Variants in NDUFA10 observed in about 807,000 individuals in gnomAD.
NDUFA10 encodes NADH:ubiquinone oxidoreductase subunit A10.
NDUFA10 carries 40 observed loss-of-function variants against 47.8 expected under a neutral mutation model. The observed-to-expected ratio is 0.84, with a 90% CI of 0.65 to 1.09. The LOEUF (loss-of-function observed/expected upper bound fraction) is 1.09. Ranked by LOEUF, NDUFA10 falls within the 50% of genes least tolerant of loss-of-function variation. The pLI is 0.00. For synonymous variants in NDUFA10, 183 were observed against 172.2 expected, an observed-to-expected ratio of 1.06 and a Z score of -0.49; for missense variants, 413 against 451.1, an observed-to-expected ratio of 0.92 and a Z score of 0.76.
chr2:239,936,729 G>A (rs1694272434), intron 4 of NDUFA10, among the ~76,000 whole-genome samples: 1 of 152,198 alleles, frequency 6.6e-6, no homozygotes. Context: ...CAGGCGGGTG[G>A]ATCACCTGAG....
intron 4 of NDUFA10, among the ~76,000 whole-genome samples, chr2:239,929,595 C>A (rs928995540): frequency 3.9e-5 from 6 of 152,110 alleles, no homozygotes; most frequent in African/African-American, 1.4e-4. Flanking sequence ...TGCTCCTCCG[C>A]CGGCCCTGCT....
intron 4 of NDUFA10, among the ~76,000 whole-genome samples, chr2:239,924,663 C>T (rs1431142846): frequency 6.6e-6 from 1 of 152,076 alleles, no homozygotes; most frequent in Non-Finnish European, 1.5e-5. Context: ...GAGATGTCTA[C>T]TATTACCACT....
intron 4 of NDUFA10, among the ~76,000 whole-genome samples, chr2:239,935,142 T>C (rs546963422): frequency 1.3e-5 from 2 of 152,186 alleles, no homozygotes; most frequent in African/African-American, 4.8e-5. Context: ...GTTCCCAGGA[T>C]GCAAAATTGA....
intron 4 of NDUFA10, among the ~76,000 whole-genome samples, chr2:239,900,363 T>C (rs1261169769): frequency 6.7e-6 from 1 of 149,768 alleles, no homozygotes; most frequent in Non-Finnish European, 1.5e-5. Context: ...TATATATTTA[T>C]CCTATTAGTT....
chr2:239,919,540 C>T (rs558357587), intron 4 of NDUFA10, among the ~76,000 whole-genome samples: 1 of 152,044 alleles, frequency 6.6e-6, no homozygotes, highest in Non-Finnish European at 1.5e-5. Context: ...AATAACCAAA[C>T]GCAGCCTTAA....
chr2:239,898,170 C>T (rs2106461212), intron 4 of NDUFA10, among the ~76,000 whole-genome samples: 1 of 152,316 alleles, frequency 6.6e-6, no homozygotes, highest in Admixed American at 6.5e-5. Context: ...CAGGGTTACG[C>T]AGTCATGGGC....
rs750076568 is a variant in NDUFA10 at position 240,022,249 on chromosome 2, C to A, written c.167G>T (p.Arg56Leu). 6.2e-7 allele frequency: 1 copy of A among 1,613,930 alleles called. No homozygotes were observed. Residue 56 changes from arginine to leucine, a missense_variant, in exon 2 of 10, where the codon CGC (arginine) becomes CTC (leucine). Arg to Leu is a moderately radical substitution (Grantham distance 102). Coordinates refer to ENST00000252711, the MANE Select transcript of NDUFA10 (RefSeq NM_004544.4). ...GDKASKRLTE[R>L]SRVITVDGNI... ...GCCATCTACAGTTATCACTCTGCTG[C>A]GTTCTGTCAGTCTTTTGCTTGCTTT...
chr2:239,954,177 G>A (rs1228627867), downstream of NDUFA10, among the ~76,000 whole-genome samples: 4 of 148,222 alleles, frequency 2.7e-5, no homozygotes, highest in South Asian at 6.5e-4. Flanking sequence ...CCTCAGGGCT[G>A]TGAGACTGGG....
chr2:239,990,333 AGCCT>A lies in NDUFA10; in HGVS notation c.891-155_891-152del, dbSNP rs140247225. On this transcript the variant is annotated intron_variant, in intron 8 of 9. Coordinates refer to ENST00000252711, the MANE Select transcript of NDUFA10 (RefSeq NM_004544.4). ...TGCCAAGCAATCATCCCAGCAGCAA[AGCCT>A]TCCTCCCAAAGACCACATGGTCGAT... 0.024 allele frequency: 16,775 copies of A among 699,210 alleles called. 275 individuals are homozygous for A. Among genetic ancestry groups the A allele is most frequent in the Middle Eastern group, 0.037 (121 of 3,248 alleles). The allele number at this position is 699,210 out of a possible 1,614,324, so 43.3% of individuals were successfully genotyped here.
intron 4 of NDUFA10, among the ~76,000 whole-genome samples, chr2:239,907,400 A>G (rs1693674474): frequency 6.6e-6 from 1 of 152,224 alleles, no homozygotes; most frequent in Non-Finnish European, 1.5e-5. Context: ...GACAAATGGG[A>G]TCTAATTAAA....
In NDUFA10 at chr2:239,894,998, G is replaced by T. The variant is rs185448748; in HGVS notation, c.*14+207C>A. On this transcript the variant is annotated intron_variant, in intron 5 of 5. Transcript: ENST00000419408. ...GTAAAGACACCCCATCCACCCAGTC[G>T]CCCAAACCAGAAACCCAGAACCCAG... is the stretch of plus-strand genomic sequence containing the variant. 3.7e-4 allele frequency among the ~76,000 whole-genome samples: 56 copies of T among 152,102 alleles called. 1 individual carries two copies. In the East Asian group the frequency reaches 7.6e-3, roughly 21 times the overall value.
At chr2:240,003,112 C>T (rs1054753139) in intron 8 of NDUFA10, among the ~76,000 whole-genome samples, 1 of 152,180 alleles carries the variant, frequency 6.6e-6, no homozygotes, top group Non-Finnish European at 1.5e-5. Context: ...AGCTTCCCAA[C>T]GTGCTGGGTT....
At chr2:239,989,352 G>C (rs144674183) in intron 9 of NDUFA10, among the ~76,000 whole-genome samples, 1 of 152,338 alleles carries the variant, frequency 6.6e-6, no homozygotes, top group East Asian at 1.9e-4. Flanking sequence ...AAAAGATTTA[G>C]ATTTCAACTC....
At chr2:240,000,772 C>T (rs968028394) in intron 8 of NDUFA10, among the ~76,000 whole-genome samples, 3 of 152,164 alleles carry the variant, frequency 2.0e-5, no homozygotes, top group Non-Finnish European at 2.9e-5. Flanking sequence ...TACTTACCGT[C>T]GTGTTACAAC....
chr2:239,916,040 T>TA lies in NDUFA10; in HGVS notation c.295-20727_295-20726insT, dbSNP rs1693867355. Among the ~76,000 whole-genome samples the TA allele has an allele frequency of 4.9e-5, 4 of 81,374 alleles. No homozygotes were observed. The South Asian group carries it at 1.1e-3, about 23-fold the overall frequency. 53.4% of individuals were successfully genotyped at this position (81,374 alleles called of 152,430 possible). A position where few individuals can be genotyped will look rare whatever the true frequency, so the allele number is the denominator to read the frequency against. On this transcript the variant is annotated intron_variant, in intron 4 of 5. Transcript: ENST00000419408. ...TACATAGAGAGACACACAGAGATAC[T>TA]CACACAAACATACACACACACATAC...
In NDUFA10 at chr2:239,968,197, TA is replaced by T. The variant is rs572504299; in HGVS notation, c.1000-7012del. Among the ~76,000 whole-genome samples, 4 of 152,302 alleles carry T rather than the reference TA, an allele frequency of 2.6e-5. No individual in the cohort carries two copies. In the East Asian group the frequency reaches 5.8e-4, roughly 22 times the overall value. The stretch of plus-strand genomic sequence containing the variant: ...GAGGGCGAAAAGGGTGGAGAAATCC[TA>T]CCTGACCAACACGGAGAGAGGCTTC... On this transcript the variant is annotated intron_variant, in intron 9 of 9. Transcript: ENST00000252711.
At chr2:239,942,880 CA>C (rs1363673735) in intron 4 of NDUFA10, 1 of 153,014 alleles carries the variant, frequency 6.5e-6, no homozygotes, top group Non-Finnish European at 1.5e-5. Flanking sequence ...CCCTCTTAGC[CA>C]CAGGAAGCCC....
chr2:239,968,512 A>G (rs1166104230), intron 9 of NDUFA10, among the ~76,000 whole-genome samples: 1 of 152,246 alleles, frequency 6.6e-6, no homozygotes, highest in Non-Finnish European at 1.5e-5. Context: ...TTCATGAGGC[A>G]GTAACAGGGT....
At chr2:239,980,774 G>A (rs1695740640) in intron 9 of NDUFA10, among the ~76,000 whole-genome samples, 2 of 152,202 alleles carry the variant, frequency 1.3e-5, no homozygotes, top group Non-Finnish European at 2.9e-5. Flanking sequence ...GTGGTGAGCT[G>A]AAGCCGCGGT....
Sources: gnomAD v4.1 joint callset for allele counts (sites outside exome capture counted in the v4.1 genomes callset) on GRCh38, gnomAD v4.1.1 for gene constraint, MANE v1.5 for transcripts, NCBI Gene and HGNC (gene_info 2026-07-23, HGNC 2026-07-21) for gene names.